Variants in ACYP2 observed in about 807,000 individuals in gnomAD.
ACYP2 encodes the protein acylphosphatase 2, also known as acylphosphatase-2.
ACYP2 carries 12 observed loss-of-function variants against 11.2 expected under a neutral mutation model. The observed-to-expected ratio is 1.08, with a 90% CI of 0.69 to 1.74. ACYP2 has a LOEUF of 1.74. ACYP2 is among the 40% of genes most tolerant of loss of function. The pLI, the probability that ACYP2 is intolerant of heterozygous loss-of-function variation, is 0.00. For synonymous variants in ACYP2, 43 were observed against 32.2 expected (o/e 1.33, Z -1.13); for missense variants, 134 against 101.9 (o/e 1.31, Z -1.35).
At chr2:54,081,718 A>G (rs1175544206) in intron 4 of ACYP2, among the ~76,000 whole-genome samples, 1 of 152,196 alleles carries the variant, frequency 6.6e-6, no homozygotes, top group East Asian at 1.9e-4. Context: ...TTCATTAGGT[A>G]TCTGCTTTTG....
At chr2:54,289,557 G>C (rs993982989) in intron 6 of ACYP2, among the ~76,000 whole-genome samples, 2 of 151,904 alleles carry the variant, frequency 1.3e-5, no homozygotes, top group African/African-American at 4.9e-5. Context: ...TGGCATATGA[G>C]TACAAAAAGG....
In ACYP2 at chr2:53,971,305, C is replaced by G. The variant is rs1671089395; in HGVS notation, c.-53C>G. On this transcript the variant is annotated 5_prime_UTR_variant, in exon 1 of 7. Coordinates refer to ENST00000607452, the MANE Select transcript of ACYP2 (RefSeq NM_001320586.2). ...CAGCCCACTGGAGTCCCAGTCGCCACGACAGGCGGCAGCCAGGTCGGCCTG... is the reference window on the plus strand; with the variant it reads ...CAGCCCACTGGAGTCCCAGTCGCCAGGACAGGCGGCAGCCAGGTCGGCCTG... 6.5e-6 allele frequency: 1 copy of G among 152,782 alleles called. No homozygotes were observed. Among genetic ancestry groups the G allele is most frequent in the Admixed American group, 6.5e-5 (1 of 15,300 alleles). 9.5% of individuals were successfully genotyped at this position (152,782 alleles called of 1,614,324 possible).
intron 4 of ACYP2, among the ~76,000 whole-genome samples, chr2:54,095,309 C>G (rs1366173283): frequency 6.6e-6 from 1 of 152,244 alleles, no homozygotes; most frequent in Non-Finnish European, 1.5e-5. Context: ...CGGCAACCAT[C>G]CGATTTCTCA....
chr2:54,109,287 G>A (rs1013172249), intron 4 of ACYP2, among the ~76,000 whole-genome samples: 5 of 152,150 alleles, frequency 3.3e-5, no homozygotes, highest in African/African-American at 7.2e-5. Flanking sequence ...GGAAACTATC[G>A]TTCTAAGTGA....
chr2:54,285,239 G>T (rs1377043771), intron 6 of ACYP2, among the ~76,000 whole-genome samples: 4 of 152,122 alleles, frequency 2.6e-5, no homozygotes, highest in Non-Finnish European at 4.4e-5. Context: ...TAGGAATTAG[G>T]TTTCAACATA....
intron 2 of ACYP2, among the ~76,000 whole-genome samples, chr2:54,013,255 ATGTGTGTGTGTGTGTGTGTGTGTGTG>A (rs60289014): frequency 0.019 from 2,202 of 117,604 alleles, 90 homozygotes; most frequent in African/African-American, 0.066. Context: ...ACCATCTAAT[ATGTGTGTGTGTGTGTGTGTGTGTGTG>A]TGTGTGTGTG....
At chr2:53,975,548 T>C (rs1004319122) in intron 2 of ACYP2, among the ~76,000 whole-genome samples, 4 of 152,078 alleles carry the variant, frequency 2.6e-5, no homozygotes, top group Non-Finnish European at 5.9e-5. Context: ...GTTATCCTTT[T>C]GAGGCTGGGC....
intron 6 of ACYP2, among the ~76,000 whole-genome samples, chr2:54,182,241 G>T (rs914484567): frequency 6.6e-6 from 1 of 151,732 alleles, no homozygotes; most frequent in African/African-American, 2.4e-5. Flanking sequence ...TGTATTTTTA[G>T]TAGAGACAGA....
At chr2:54,052,925 T>G (rs2103619857) in intron 3 of ACYP2, among the ~76,000 whole-genome samples, 1 of 152,382 alleles carries the variant, frequency 6.6e-6, no homozygotes, top group South Asian at 2.1e-4. Context: ...GTTATCAATT[T>G]ATTGCCTCTC....
At chr2:54,026,980 G>A (rs933641077) in intron 2 of ACYP2, among the ~76,000 whole-genome samples, 3 of 152,080 alleles carry the variant, frequency 2.0e-5, no homozygotes, top group African/African-American at 4.8e-5. Context: ...TGATGTGTGC[G>A]CCAAAACCTC....
chr2:54,300,240 A>G (rs902399452), intron 6 of ACYP2, among the ~76,000 whole-genome samples: 1 of 152,206 alleles, frequency 6.6e-6, no homozygotes, highest in Non-Finnish European at 1.5e-5. Context: ...CTTTGCTCGA[A>G]TCTTCAATTC....
intron 2 of ACYP2, chr2:53,973,904 TA>T (rs1671323842): frequency 2.7e-5 from 3 of 110,720 alleles, no homozygotes; most frequent in Non-Finnish European, 5.5e-5. Flanking sequence ...TGTGTGTGTA[TA>T]TATTTTTTTT....
chr2:54,219,856 GA>G (rs1685715786), intron 6 of ACYP2, among the ~76,000 whole-genome samples: 1 of 16,614 alleles, frequency 6.0e-5, no homozygotes, highest in Non-Finnish European at 9.8e-5. Flanking sequence ...TGTGTATATA[GA>G]TGTGTGTGTG....
intron 2 of ACYP2, among the ~76,000 whole-genome samples, chr2:53,993,447 C>A (rs1672403025): frequency 6.6e-6 from 1 of 152,080 alleles, no homozygotes; most frequent in Admixed American, 6.6e-5. Context: ...GTGGTTCAAG[C>A]CTGTAATCCC....
intron 4 of ACYP2, among the ~76,000 whole-genome samples, chr2:54,118,987 G>T (rs533479396): frequency 6.6e-6 from 1 of 150,578 alleles, no homozygotes; most frequent in African/African-American, 2.4e-5. Context: ...ACATTGAGGC[G>T]TGGGGAAGTA....
chr2:53,994,079 C>A (rs1000000610), intron 2 of ACYP2, among the ~76,000 whole-genome samples: 45 of 152,112 alleles, frequency 3.0e-4, no homozygotes, highest in African/African-American at 1.0e-3. Context: ...GCCTGTAATC[C>A]CAGCACTTTG....
At chr2:53,974,532 C>G (rs1671369516) in intron 2 of ACYP2, among the ~76,000 whole-genome samples, 1 of 152,104 alleles carries the variant, frequency 6.6e-6, no homozygotes, top group Non-Finnish European at 1.5e-5. Context: ...TCTCAGAATT[C>G]AGAAAATTGA....
chr2:54,144,060 G>C (rs1355447587), intron 6 of ACYP2, among the ~76,000 whole-genome samples: 1 of 152,040 alleles, frequency 6.6e-6, no homozygotes. Flanking sequence ...GCCTTGACCT[G>C]CTGGGTTTAA....
At chr2:54,095,711 C>T (rs1303389743) in intron 4 of ACYP2, among the ~76,000 whole-genome samples, 4 of 126,130 alleles carry the variant, frequency 3.2e-5, no homozygotes, top group Non-Finnish European at 6.8e-5. Context: ...GGCAGAGGGG[C>T]TCCTCACTTC....
Sources: allele counts gnomAD v4.1 joint callset (sites outside exome capture counted in the v4.1 genomes callset), GRCh38; gene constraint gnomAD v4.1.1; transcripts MANE v1.5; gene names NCBI Gene and HGNC (gene_info 2026-07-23, HGNC 2026-07-21).